Variants in PTK2B observed in about 807,000 individuals in gnomAD.
PTK2B encodes the protein protein-tyrosine kinase 2-beta.
In PTK2B, 71 loss-of-function variants were observed where a neutral mutation model predicts 142.9. The observed-to-expected ratio is 0.50, with a 90% CI of 0.41 to 0.61. The LOEUF (loss-of-function observed/expected upper bound fraction) is 0.61, where lower values mean the gene tolerates loss of function less well. Among genes scored for constraint, PTK2B ranks in the 20% least tolerant of loss-of-function variants. The probability of loss-of-function intolerance (pLI) is 0.00; values close to 1 mark genes in which losing one functional copy is unlikely to be tolerated. For synonymous variants in PTK2B, 519 were observed against 503.4 expected (o/e 1.03, Z -0.42); for missense variants, 1,105 against 1,320.4 (o/e 0.84, Z 2.53).
intron 20 of PTK2B, 134 bp from the exon 21 acceptor site, chr8:27,440,103 C>T: frequency 3.5e-6 from 3 of 869,284 alleles, no homozygotes; most frequent in Non-Finnish European, 5.4e-6. Flanking sequence ...TAGGCAGGAC[C>T]CCAGGGTGCT....
chr8:27,413,480 A>G (rs1809194330), intron 2 of PTK2B, among the ~76,000 whole-genome samples: 1 of 152,186 alleles, frequency 6.6e-6, no homozygotes. Context: ...CCTAAATCCA[A>G]AAGAGTACAG....
chr8:27,447,012 G>A (rs373137290), intron 24 of PTK2B, among the ~76,000 whole-genome samples: 26 of 152,200 alleles, frequency 1.7e-4, no homozygotes, highest in African/African-American at 4.3e-4. Context: ...GGCTGTGTTC[G>A]GTTTCTCCAC....
intron 1 of PTK2B, among the ~76,000 whole-genome samples, chr8:27,359,713 G>T (rs1428041819): frequency 6.6e-6 from 1 of 152,106 alleles, no homozygotes; most frequent in Non-Finnish European, 1.5e-5. Flanking sequence ...CACAGGTTTT[G>T]GGTTTTACCT....
At chr8:27,408,650 C>G (rs1046077838) in intron 2 of PTK2B, among the ~76,000 whole-genome samples, 1 of 152,182 alleles carries the variant, frequency 6.6e-6, no homozygotes, top group African/African-American at 2.4e-5. Flanking sequence ...CCTTGGCCCC[C>G]ACAGGGGATA....
chr8:27,355,832 G>A (rs951222660), intron 1 of PTK2B, among the ~76,000 whole-genome samples: 3 of 152,072 alleles, frequency 2.0e-5, no homozygotes, highest in Admixed American at 6.5e-5. Context: ...GACCAGCCTG[G>A]CCAACATAGT....
chr8:27,450,978 C>T (rs1374432471), intron 25 of PTK2B, 65 bp from the exon 26 acceptor site: 7 of 1,611,292 alleles, frequency 4.3e-6, no homozygotes, highest in Non-Finnish European at 5.9e-6. Context: ...GCAAGGGTCC[C>T]CTGCATTCTT....
intron 1 of PTK2B, among the ~76,000 whole-genome samples, chr8:27,361,283 A>G (rs1244532961): frequency 1.3e-5 from 2 of 152,134 alleles, no homozygotes; most frequent in Admixed American, 6.5e-5. Context: ...CAGTGGTGCA[A>G]TCATAGCTCA....
chr8:27,431,598 G>A (rs1283820734), intron 9 of PTK2B, 126 bp downstream of exon 9: 17 of 1,277,632 alleles, frequency 1.3e-5, no homozygotes, highest in Non-Finnish European at 1.9e-5. Context: ...GTTCTTCTAA[G>A]GCCATGCCCT....
intron 1 of PTK2B, among the ~76,000 whole-genome samples, chr8:27,397,012 A>G (rs1477190130): frequency 6.6e-6 from 1 of 152,196 alleles, no homozygotes; most frequent in East Asian, 1.9e-4. Context: ...ATGGGGGTGG[A>G]CAGCATCAGT....
chr8:27,438,917 C>A, intron 18 of PTK2B, 114 bp from the exon 19 acceptor site: 1 of 982,948 alleles, frequency 1.0e-6, no homozygotes, highest in Non-Finnish European at 1.5e-6. Flanking sequence ...CTCTGGAGTC[C>A]GAGTCCCTGG....
upstream of PTK2B, among the ~76,000 whole-genome samples, chr8:27,310,638 A>C (rs557670534): frequency 5.9e-5 from 9 of 152,360 alleles, no homozygotes; most frequent in East Asian, 1.7e-3. Context: ...TTGAAGAAGC[A>C]GCCAGCCCTG....
At chr8:27,453,389 C>T (rs187188816) in intron 28 of PTK2B, among the ~76,000 whole-genome samples, 1 of 152,200 alleles carries the variant, frequency 6.6e-6, no homozygotes, top group African/African-American at 2.4e-5. Flanking sequence ...CTCCATCCCC[C>T]TCCCAGACTT....
chr8:27,454,015 A>G, intron 28 of PTK2B, 139 bp from the exon 29 acceptor site: 14 of 1,236,386 alleles, frequency 1.1e-5, no homozygotes, highest in Non-Finnish European at 1.6e-5. Context: ...ACCCCGGGAC[A>G]GGGCACAATT....
chr8:27,430,069 C>T, intron 5 of PTK2B, 24 bp from the exon 6 acceptor site: 2 of 1,607,252 alleles, frequency 1.2e-6, no homozygotes, highest in Non-Finnish European at 1.7e-6. Context: ...CTTCAGCCTC[C>T]CTCTCCACCA....
intron 5 of PTK2B, among the ~76,000 whole-genome samples, 158 bp downstream of exon 5, chr8:27,422,541 G>T (rs1389008777): frequency 6.6e-6 from 1 of 152,222 alleles, no homozygotes; most frequent in Non-Finnish European, 1.5e-5. Context: ...GAGGGGCTGG[G>T]TGTTGGGTCT....
rs769227767 is a variant in PTK2B, at chr8:27,437,073, G to C, written c.1342-49G>C. The C allele has an allele frequency of 1.2e-5, 19 of 1,564,894 alleles. No homozygotes were observed. In the East Asian group the frequency reaches 4.3e-4, roughly 35 times the overall value. On this transcript the variant is annotated intron_variant, in intron 15 of 30. Transcript: ENST00000346049. ...TGGGGAGGCCAGGAGGGAACATTCT[G>C]CTGAGCACTGGGCTGGACCAAGGGG... is the stretch of plus-strand genomic sequence containing the variant.
chr8:27,431,507 G>A (rs1176026801), intron 9 of PTK2B, 35 bp downstream of exon 9: 2 of 1,612,414 alleles, frequency 1.2e-6, no homozygotes, highest in Admixed American at 1.7e-5. Context: ...CCCAGCCCCA[G>A]GCGGGGAGGT....
chr8:27,369,600 G>A (rs1806221583), intron 1 of PTK2B, among the ~76,000 whole-genome samples: 1 of 152,072 alleles, frequency 6.6e-6, no homozygotes, highest in Non-Finnish European at 1.5e-5. Flanking sequence ...AATCCAAGAG[G>A]CAGAGGCTGC....
At chr8:27,411,171 G>T (rs3757907) in intron 2 of PTK2B, among the ~76,000 whole-genome samples, 22,988 of 152,186 alleles carry the variant, frequency 0.15, 2,051 homozygotes, top group Admixed American at 0.22. Context: ...AATAGAGAAA[G>T]AAATATTGAC....
Sources: gnomAD v4.1 joint callset for allele counts (sites outside exome capture counted in the v4.1 genomes callset) on GRCh38, gnomAD v4.1.1 for gene constraint, MANE v1.5 for transcripts, NCBI Gene and HGNC (gene_info 2026-07-23, HGNC 2026-07-21) for gene names.